Variants in PTPRN2 observed in about 807,000 individuals in gnomAD.
PTPRN2 encodes the protein protein tyrosine phosphatase receptor type N2, also known as receptor-type tyrosine-protein phosphatase N2.
Under a neutral mutation model 118.8 loss-of-function variants are expected in PTPRN2, and 74 were observed. That is an observed-to-expected ratio of 0.62 (90% CI 0.52 to 0.76). The LOEUF (loss-of-function observed/expected upper bound fraction) is 0.76, where lower values mean the gene tolerates loss of function less well. Ranked by LOEUF, PTPRN2 falls within the 30% of genes least tolerant of loss-of-function variation. PTPRN2 has a pLI of 0.00. For synonymous variants in PTPRN2, 641 were observed against 608.0 expected (o/e 1.05, Z -0.80); for missense variants, 1,481 against 1,394.4 (o/e 1.06, Z -0.99).
At chr7:158,492,671 C>T (rs901854231) in intron 1 of PTPRN2, among the ~76,000 whole-genome samples, 3 of 152,218 alleles carry the variant, frequency 2.0e-5, no homozygotes, top group Non-Finnish European at 4.4e-5. Context: ...TTCACCCAGC[C>T]AGTGGATATG....
chr7:157,909,756 C>T (rs1435802426), intron 11 of PTPRN2, among the ~76,000 whole-genome samples: 2 of 152,212 alleles, frequency 1.3e-5, no homozygotes, highest in Non-Finnish European at 2.9e-5. Flanking sequence ...CATTTATCAC[C>T]CTCTGACATG....
chr7:158,185,502 CTCATA>C (rs1825061459), intron 5 of PTPRN2, among the ~76,000 whole-genome samples: 2 of 152,240 alleles, frequency 1.3e-5, no homozygotes, highest in South Asian at 4.1e-4. Context: ...CTTTAGTACT[CTCATA>C]TATTTCCTTT....
At chr7:157,811,423 C>T (rs984804400) in intron 12 of PTPRN2, among the ~76,000 whole-genome samples, 4 of 150,282 alleles carry the variant, frequency 2.7e-5, no homozygotes, top group East Asian at 3.9e-4. Context: ...GAAGTAGATG[C>T]GTCTCCTCTC....
intron 12 of PTPRN2, among the ~76,000 whole-genome samples, chr7:157,882,380 A>G (rs929114952): frequency 2.7e-5 from 4 of 148,668 alleles, no homozygotes; most frequent in Non-Finnish European, 5.9e-5. Context: ...AAACTTGACT[A>G]TCAGAGACCA....
At chr7:157,890,476 C>T (rs1347198406) in intron 12 of PTPRN2, among the ~76,000 whole-genome samples, 1 of 152,130 alleles carries the variant, frequency 6.6e-6, no homozygotes, top group Non-Finnish European at 1.5e-5. Context: ...CCCGTCTCTA[C>T]TAAAAATACA....
At chr7:158,258,647 G>C (rs979571541) in intron 3 of PTPRN2, among the ~76,000 whole-genome samples, 9 of 152,186 alleles carry the variant, frequency 5.9e-5, no homozygotes, top group Admixed American at 4.6e-4. Flanking sequence ...AGAGGTTTCA[G>C]GGCCTTCCCT....
intron 10 of PTPRN2, among the ~76,000 whole-genome samples, chr7:158,094,798 A>G (rs1000918937): frequency 1.3e-5 from 2 of 152,196 alleles, no homozygotes; most frequent in South Asian, 4.1e-4. Flanking sequence ...ACAGGCAGGA[A>G]AGGTGAGAAC....
intron 2 of PTPRN2, among the ~76,000 whole-genome samples, chr7:158,373,156 G>A (rs536997289): frequency 5.9e-5 from 9 of 152,288 alleles, no homozygotes; most frequent in Middle Eastern, 6.8e-3. Context: ...CGTTAACATC[G>A]GCATTTATAA....
At chr7:158,146,794 T>C (rs1011195760) in intron 6 of PTPRN2, among the ~76,000 whole-genome samples, 2 of 151,832 alleles carry the variant, frequency 1.3e-5, no homozygotes, top group East Asian at 3.9e-4. Context: ...GCTACAACAT[T>C]GTTCTCACAC....
chr7:158,248,008 G>C (rs949198572), intron 3 of PTPRN2, among the ~76,000 whole-genome samples: 2 of 152,184 alleles, frequency 1.3e-5, no homozygotes, highest in Admixed American at 1.3e-4. Context: ...TTATTAGGGA[G>C]ATCCCAAAGG....
Position 157,682,736 on chromosome 7 carries a change from C to T in PTPRN2, c.1990G>A (p.Ala664Thr), listed in dbSNP as rs1796972073. ...LGGDPGADAT[A>T]AYQELCRQRM... ...AAGTCTCCTCTTACCTGGTAGGCGG[C>T]AGTGGCATCTGCACCTGGGTCGCCC... Residue 664 changes from alanine (A) to threonine (T), a missense_variant, in exon 13 of 23, where the codon GCC becomes ACC. Transcript: ENST00000389418. The T allele has an allele frequency of 6.2e-7, 1 of 1,613,538 alleles. No homozygotes were observed. Among genetic ancestry groups the T allele is most frequent in the South Asian group, 1.1e-5 (1 of 91,082 alleles).
chr7:157,934,258 T>C (rs1010227590), intron 11 of PTPRN2, among the ~76,000 whole-genome samples: 15 of 152,252 alleles, frequency 9.9e-5, no homozygotes, highest in African/African-American at 3.4e-4. Flanking sequence ...TTCTCCAGAA[T>C]ATCGGCCGCT....
At chr7:157,967,705 G>C (rs1194409364) in intron 11 of PTPRN2, among the ~76,000 whole-genome samples, 1 of 152,196 alleles carries the variant, frequency 6.6e-6, no homozygotes, top group African/African-American at 2.4e-5. Context: ...CTGAGAGTCA[G>C]TCATACCTAA....
chr7:158,325,196 AG>A (rs1803394250), intron 2 of PTPRN2, among the ~76,000 whole-genome samples: 2 of 151,948 alleles, frequency 1.3e-5, no homozygotes, highest in East Asian at 1.9e-4. Flanking sequence ...AGAGATCCAC[AG>A]GGGGTCCCCC....
chr7:157,904,297 C>T (rs897778246), intron 11 of PTPRN2, among the ~76,000 whole-genome samples: 1 of 152,222 alleles, frequency 6.6e-6, no homozygotes, highest in Non-Finnish European at 1.5e-5. Flanking sequence ...TTCCTTCCCC[C>T]ACAGGCCGGT....
chr7:158,177,102 C>G (rs1242001400), intron 5 of PTPRN2, among the ~76,000 whole-genome samples: 3 of 152,204 alleles, frequency 2.0e-5, no homozygotes, highest in Non-Finnish European at 4.4e-5. Context: ...GGCGTCCCTC[C>G]TCTTGGATAG....
chr7:157,885,065 G>A (rs151334220), intron 12 of PTPRN2, among the ~76,000 whole-genome samples: 3 of 152,090 alleles, frequency 2.0e-5, no homozygotes, highest in Admixed American at 6.5e-5. Context: ...TCCACCCCTC[G>A]TAGGAACTCA....
chr7:158,261,864 G>A (rs1283587191), intron 3 of PTPRN2, among the ~76,000 whole-genome samples: 1 of 152,228 alleles, frequency 6.6e-6, no homozygotes, highest in Admixed American at 6.5e-5. Flanking sequence ...GGGGCTTCCC[G>A]TTATTTCAGG....
At chr7:157,859,712 C>CCA (rs1173215057) in intron 12 of PTPRN2, among the ~76,000 whole-genome samples, 2 of 61,208 alleles carry the variant, frequency 3.3e-5, no homozygotes, top group East Asian at 4.4e-4. Flanking sequence ...GGGAGAGCCC[C>CCA]GTCACCACCC....
Sources: gnomAD v4.1 joint callset for allele counts (sites outside exome capture counted in the v4.1 genomes callset) on GRCh38, gnomAD v4.1.1 for gene constraint, MANE v1.5 for transcripts, NCBI Gene and HGNC (gene_info 2026-07-23, HGNC 2026-07-21) for gene names.